The following KDR variants were observed in gnomAD, a reference collection of about 807,000 sequenced individuals.
KDR encodes the protein kinase insert domain receptor, also known as vascular endothelial growth factor receptor 2.
KDR carries 43 observed loss-of-function variants against 160.9 expected under a neutral mutation model. That is an observed-to-expected ratio of 0.27 (90% CI 0.21 to 0.34). The LOEUF (loss-of-function observed/expected upper bound fraction) is 0.34. Ranked by LOEUF, KDR falls within the 10% of genes least tolerant of loss-of-function variation. The pLI, the probability that KDR is intolerant of heterozygous loss-of-function variation, is 1.00. For synonymous variants in KDR, 617 were observed against 600.1 expected (o/e 1.03, Z -0.41); for missense variants, 1,469 against 1,666.4 (o/e 0.88, Z 2.06).
At chr4:55,081,930 G>C (rs2110005052) in intron 29 of KDR, 26 bp downstream of exon 29, 2 of 1,509,960 alleles carry the variant, frequency 1.3e-6, no homozygotes, top group Non-Finnish European at 1.8e-6. Flanking sequence ...ATTGAAATTT[G>C]TCTTTTTAAT....
chr4:55,112,336 T>C (rs1440958547), intron 7 of KDR, among the ~76,000 whole-genome samples: 1 of 152,096 alleles, frequency 6.6e-6, no homozygotes, highest in East Asian at 1.9e-4. Flanking sequence ...GAATAGTAAA[T>C]ATATTTTCTC....
intron 1 of KDR, among the ~76,000 whole-genome samples, 180 bp downstream of exon 1, chr4:55,125,047 C>T (rs1430956493): frequency 1.3e-5 from 2 of 152,200 alleles, no homozygotes; most frequent in Admixed American, 6.5e-5. Flanking sequence ...ACCACAGACT[C>T]GCTGGGTAAT....
At chr4:55,110,875 G>A (rs2110028469) in intron 7 of KDR, 107 bp from the exon 8 acceptor site, 2 of 853,134 alleles carry the variant, frequency 2.3e-6, no homozygotes, top group South Asian at 3.1e-5. Context: ...CTGAGTAGCT[G>A]CAGTTCCAAG....
chr4:55,104,942 T>C lies in KDR; in HGVS notation c.1688A>G (p.Glu563Gly), dbSNP rs1447998551. ...ITLQPDMQPT[E>G]QESVSLWCTA... ...GCACCACAAAGACACGCTCTCCTGCTCAGTGGGCTGCATGTCAGGTTGCAA... is the reference window on the plus strand; with the variant it reads ...GCACCACAAAGACACGCTCTCCTGCCCAGTGGGCTGCATGTCAGGTTGCAA... Residue 563 changes from glutamate (E) to glycine (G), a missense_variant, in exon 13 of 30, where the codon GAG becomes GGG. By Grantham distance (98) the Glu-to-Gly change is moderately conservative (BLOSUM62 -2). Transcript: ENST00000263923. The C allele has an allele frequency of 1.2e-6, 2 of 1,613,808 alleles. No individual in the cohort carries two copies. The highest frequency in any genetic ancestry group is 8.5e-7 in the Non-Finnish European group (1 of 1,179,798).
intron 19 of KDR, 146 bp downstream of exon 19, chr4:55,096,083 C>A (rs1027570136): frequency 1.7e-5 from 11 of 634,706 alleles, no homozygotes; most frequent in African/African-American, 3.7e-5. Flanking sequence ...GCCAATTAAA[C>A]CTCCATGAAA....
At position 55,121,082 on chromosome 4, in the gene KDR, A is replaced by G. The variant is rs775874442; in HGVS notation, c.161+15T>C. Reference sequence around the variant, plus strand: ...TACTTAACACAAGAAATCTAGATCTAGAATGAATCCTTACCTGCAAGTAAT... The same window carrying G: ...TACTTAACACAAGAAATCTAGATCTGGAATGAATCCTTACCTGCAAGTAAT... On this transcript the variant is annotated intron_variant, in intron 2 of 29. Transcript: ENST00000263923. 2 of 1,546,274 alleles carry G rather than the reference A, an allele frequency of 1.3e-6. No homozygotes were observed. Among genetic ancestry groups the G allele is most frequent in the Non-Finnish European group, 1.8e-6 (2 of 1,118,580 alleles).
intron 24 of KDR, 77 bp downstream of exon 24, chr4:55,089,614 G>C: frequency 7.2e-7 from 1 of 1,392,668 alleles, no homozygotes; most frequent in Non-Finnish European, 1.0e-6. Flanking sequence ...TGATAGACAT[G>C]AAGTACAGGA....
intron 23 of KDR, 65 bp downstream of exon 23, chr4:55,089,891 A>G: frequency 6.2e-7 from 1 of 1,607,166 alleles, no homozygotes; most frequent in Admixed American, 1.7e-5. Flanking sequence ...CAGGTCCTGA[A>G]GCTCTCTACG....
At chr4:55,097,812 A>G in intron 17 of KDR, 46 bp from the exon 18 acceptor site, 3 of 1,341,514 alleles carry the variant, frequency 2.2e-6, no homozygotes, top group Non-Finnish European at 3.2e-6. Flanking sequence ...TTGGATTACT[A>G]TACAACCAAA....
chr4:55,098,580 T>C, intron 16 of KDR, 117 bp downstream of exon 16: 1 of 821,540 alleles, frequency 1.2e-6, no homozygotes, highest in South Asian at 1.4e-5. Context: ...TGTATTGAAA[T>C]AAAAATGTGC....
chr4:55,082,158 A>G (rs1719751383), intron 28 of KDR, 117 bp from the exon 29 acceptor site: 1 of 821,218 alleles, frequency 1.2e-6, no homozygotes, highest in Non-Finnish European at 2.1e-6. Flanking sequence ...CCTGTGGAAG[A>G]ACATAAAGGT....
Position 55,115,038 on chromosome 4 carries a change from T to C in KDR, c.494A>G (p.Tyr165Cys). Residue 165 changes from tyrosine (Y) to cysteine (C), a missense_variant, in exon 5 of 30, where the codon TAC becomes TGC. Physicochemically the swap from Tyr to Cys is radical, Grantham distance 194. Coordinates refer to ENST00000263923, the MANE Select transcript of KDR (RefSeq NM_002253.4). ...SNLNVSLCAR[Y>C]PEKRFVPDGN... is the part of the protein sequence containing the mutation. Reference sequence around the variant, plus strand: ...ATCAGGAACAAATCTCTTTTCTGGGTATCTCTGGGTAATAAAAAGACATAT... The same window carrying C: ...ATCAGGAACAAATCTCTTTTCTGGGCATCTCTGGGTAATAAAAAGACATAT... 1 of 1,612,492 alleles carries C rather than the reference T, an allele frequency of 6.2e-7. No individual in the cohort carries two copies. The highest frequency in any genetic ancestry group is 8.5e-7 in the Non-Finnish European group (1 of 1,178,686).
intron 7 of KDR, among the ~76,000 whole-genome samples, chr4:55,111,794 C>T (rs2034967): frequency 0.39 from 59,636 of 151,994 alleles, 11,839 homozygotes; most frequent in South Asian, 0.5. Flanking sequence ...GCTAGGGATG[C>T]CACGTGACCT....
At chr4:55,121,953 T>G (rs1720891835) in intron 1 of KDR, among the ~76,000 whole-genome samples, 1 of 152,212 alleles carries the variant, frequency 6.6e-6, no homozygotes, top group Non-Finnish European at 1.5e-5. Context: ...CGTGAAAAAT[T>G]TTCCCAGTTT....
In KDR at chr4:55,080,041, G is replaced by C; in HGVS notation, c.3971C>G (p.Ala1324Gly). The C allele has an allele frequency of 2.5e-6, 4 of 1,614,156 alleles. No homozygotes were observed. The highest frequency in any genetic ancestry group is 1.7e-4 in the Middle Eastern group (1 of 6,056). The change falls in exon 30 of 30, where the codon GCA (alanine) becomes GGA (glycine). Residue 1324 changes from alanine to glycine, a missense_variant. By Grantham distance (60) the Ala-to-Gly change is moderately conservative (BLOSUM62 0). Around this residue, in one of 7 missense-constraint regions of KDR, gnomAD observed 229 missense variants for 197.8 expected, o/e 1.16. Transcript: ENST00000263923. ...TDTTVYSSEEAELLKLIEIGV... is the reference protein window; with the variant it reads ...TDTTVYSSEEGELLKLIEIGV... ...AATCTCTATCAGCTTTAAAAGTTCT[G>C]CTTCCTCACTGGAGTACACGGTGGT...
At chr4:55,116,685 G>C (rs966748722) in intron 3 of KDR, among the ~76,000 whole-genome samples, 8 of 152,164 alleles carry the variant, frequency 5.3e-5, no homozygotes, top group African/African-American at 1.9e-4. Context: ...TGCAACAGCA[G>C]AAGTTTGATT....
chr4:55,084,284 G>C (rs554665582), intron 27 of KDR, among the ~76,000 whole-genome samples: 21 of 152,284 alleles, frequency 1.4e-4, no homozygotes, highest in African/African-American at 3.9e-4. Context: ...AATAAGACTA[G>C]AGGCATAAGA....
chr4:55,099,219 A>G (rs1720248251), intron 15 of KDR, among the ~76,000 whole-genome samples: 1 of 152,042 alleles, frequency 6.6e-6, no homozygotes, highest in Admixed American at 6.6e-5. Context: ...GGGTCTCACT[A>G]CATTGCCCAG....
rs1199807364 is a variant in KDR at position 55,092,728 on chromosome 4, C to A, written c.2972-14G>T. 1.3e-6 allele frequency: 2 copies of A among 1,558,222 alleles called. No homozygotes were observed. The highest frequency in any genetic ancestry group is 8.9e-7 in the Non-Finnish European group (1 of 1,129,156). On this transcript the variant is annotated splice_polypyrimidine_tract_variant and intron_variant, in intron 21 of 29. Coordinates refer to ENST00000263923, the MANE Select transcript of KDR (RefSeq NM_002253.4). ...GATCTTCAGGAGCTGTCCAAAGAGG[C>A]AGGAGGATGGAGATCAGTATTTCCA...
Sources: allele counts gnomAD v4.1 joint callset (sites outside exome capture counted in the v4.1 genomes callset), GRCh38; gene constraint gnomAD v4.1.1; regional missense constraint gnomAD v4.1.1; transcripts MANE v1.5; gene names NCBI Gene and HGNC (gene_info 2026-07-23, HGNC 2026-07-21).